The following SLC25A26 variants were observed in gnomAD, a reference collection of about 807,000 sequenced individuals.
SLC25A26 encodes solute carrier family 25 member 26, also known as mitochondrial S-adenosylmethionine carrier protein.
In SLC25A26, 36 loss-of-function variants were observed where a neutral mutation model predicts 37.8. That is an observed-to-expected ratio of 0.95 (90% confidence interval 0.73 to 1.26). The LOEUF is 1.26. SLC25A26 is among the 50% of genes most tolerant of loss of function. SLC25A26 has a pLI of 0.00. For synonymous variants in SLC25A26, 129 were observed against 122.5 expected, an observed-to-expected ratio of 1.05 and a Z score of -0.35; for missense variants, 390 against 331.1, an observed-to-expected ratio of 1.18 and a Z score of -1.38.
intron 1 of SLC25A26, among the ~76,000 whole-genome samples, chr3:66,207,397 C>A (rs1353932774): frequency 1.3e-5 from 2 of 152,160 alleles, no homozygotes; most frequent in Non-Finnish European, 2.9e-5. Flanking sequence ...ATATCTTAAT[C>A]TCCATTTGAT....
At chr3:66,338,686 G>A (rs1455847454) in intron 5 of SLC25A26, among the ~76,000 whole-genome samples, 1 of 151,922 alleles carries the variant, frequency 6.6e-6, no homozygotes, top group East Asian at 1.9e-4. Context: ...GTATCATTAA[G>A]TACAGAGCTT....
chr3:66,299,015 A>C (rs1403197244), intron 5 of SLC25A26, among the ~76,000 whole-genome samples: 1 of 152,176 alleles, frequency 6.6e-6, no homozygotes, highest in Admixed American at 6.5e-5. Flanking sequence ...TTAGTTAACT[A>C]ACTTTATTTT....
intron 1 of SLC25A26, among the ~76,000 whole-genome samples, chr3:66,208,784 G>GTA (rs1462397848): frequency 0.036 from 2,322 of 65,138 alleles, 62 homozygotes; most frequent in Non-Finnish European, 0.066. Context: ...ATATATATGG[G>GTA]TATATATATA....
At chr3:66,269,072 A>T (rs906604599) in intron 5 of SLC25A26, among the ~76,000 whole-genome samples, 1 of 152,238 alleles carries the variant, frequency 6.6e-6, no homozygotes. Flanking sequence ...CTTACCAGCC[A>T]TCTGCTCCTG....
chr3:66,307,745 A>G (rs1013267795), intron 5 of SLC25A26, among the ~76,000 whole-genome samples: 5 of 152,178 alleles, frequency 3.3e-5, no homozygotes, highest in Admixed American at 3.3e-4. Context: ...AACACCATTT[A>G]TTAAATAGGG....
intron 5 of SLC25A26, among the ~76,000 whole-genome samples, chr3:66,325,455 A>G (rs972049417): frequency 6.6e-6 from 1 of 152,216 alleles, no homozygotes; most frequent in Non-Finnish European, 1.5e-5. Context: ...TGCCTAGTTC[A>G]CAGTCTGGTA....
chr3:66,154,466 A>G (rs1260155086), intron 1 of SLC25A26, among the ~76,000 whole-genome samples: 1 of 149,946 alleles, frequency 6.7e-6, no homozygotes. Context: ...AAAATGAAAA[A>G]CCCTGGGCTT....
intron 5 of SLC25A26, among the ~76,000 whole-genome samples, chr3:66,294,446 G>A (rs562971332): frequency 2.6e-5 from 4 of 152,210 alleles, no homozygotes; most frequent in Admixed American, 6.5e-5. Flanking sequence ...CTAGATATAT[G>A]ATCATGTCAT....
chr3:66,208,651 C>T, intron 1 of SLC25A26, among the ~76,000 whole-genome samples: 1 of 31,010 alleles, frequency 3.2e-5, no homozygotes. Context: ...TACACACACA[C>T]CTTTATATGG....
At chr3:66,344,484 A>G (rs1021842310) in intron 5 of SLC25A26, among the ~76,000 whole-genome samples, 4 of 152,150 alleles carry the variant, frequency 2.6e-5, no homozygotes, top group Non-Finnish European at 5.9e-5. Context: ...AGACATAACA[A>G]TGCCCTCAAT....
At chr3:66,219,690 T>C (rs2071417427), upstream of SLC25A26, among the ~76,000 whole-genome samples, 2 of 152,154 alleles carry the variant, frequency 1.3e-5, no homozygotes, top group Non-Finnish European at 2.9e-5. Flanking sequence ...GAGAGGTGTA[T>C]ACCATGCTAG....
At chr3:66,209,898 TTATATATATATATATATATATA>T (rs1159734636) in intron 1 of SLC25A26, among the ~76,000 whole-genome samples, 591 of 38,610 alleles carry the variant, frequency 0.015, 67 homozygotes, top group South Asian at 0.07. Context: ...CTCTCTCTAT[TTATATATATATATATATATATA>T]TATATATATA....
At chr3:66,234,759 G>A (rs923848969) in intron 1 of SLC25A26, among the ~76,000 whole-genome samples, 4 of 152,122 alleles carry the variant, frequency 2.6e-5, no homozygotes, top group Admixed American at 6.6e-5. Context: ...TTGTAAACTC[G>A]AAGGATGGAA....
At chr3:66,318,932 G>A (rs1022707571) in intron 5 of SLC25A26, among the ~76,000 whole-genome samples, 1 of 152,040 alleles carries the variant, frequency 6.6e-6, no homozygotes, top group Non-Finnish European at 1.5e-5. Context: ...TTACAGACAC[G>A]AACCACCACA....
chr3:66,175,109 G>GTATATATATATATATATATA (rs769631849), intron 1 of SLC25A26, among the ~76,000 whole-genome samples: 1 of 97,332 alleles, frequency 1.0e-5, no homozygotes, highest in African/African-American at 3.9e-5. Flanking sequence ...ATGTGTGTGT[G>GTATATATATATATATATATA]TATATATATA....
chr3:66,135,422 A>C (rs1226775460), intron 1 of SLC25A26, among the ~76,000 whole-genome samples: 1 of 152,204 alleles, frequency 6.6e-6, no homozygotes, highest in Non-Finnish European at 1.5e-5. Flanking sequence ...AGTTAATCAC[A>C]GTATTACAGA....
rs2072789702 is a variant in SLC25A26, at chr3:66,245,480, G to A, written c.300+2168G>A. On this transcript the variant is annotated intron_variant, in intron 3 of 9. Transcript: ENST00000354883. Reference sequence around the variant, plus strand: ...CCTTGTGATGGGCATAATAGAAATGGACAACACAGTGAAGATAAAGGTCTT... The same window carrying A: ...CCTTGTGATGGGCATAATAGAAATGAACAACACAGTGAAGATAAAGGTCTT... Among the ~76,000 whole-genome samples the A allele has an allele frequency of 2.0e-5, 3 of 152,064 alleles. No individual in the cohort carries two copies. In the South Asian group the frequency reaches 6.2e-4, roughly 32 times the overall value.
At chr3:66,261,740 G>A (rs371228179) in intron 3 of SLC25A26, 59 of 212,806 alleles carry the variant, frequency 2.8e-4, no homozygotes, top group African/African-American at 1.3e-3. Context: ...GCAGTTCTGG[G>A]CGTTGGGGAT....
At chr3:66,296,734 C>G (rs1364470432) in intron 5 of SLC25A26, among the ~76,000 whole-genome samples, 7 of 152,198 alleles carry the variant, frequency 4.6e-5, no homozygotes, top group African/African-American at 1.7e-4. Context: ...TTGTTTTTAA[C>G]TTAAGTTTCA....
Sources: allele counts gnomAD v4.1 joint callset (sites outside exome capture counted in the v4.1 genomes callset), GRCh38; gene constraint gnomAD v4.1.1; transcripts MANE v1.5; gene names NCBI Gene and HGNC (gene_info 2026-07-23, HGNC 2026-07-21).